The following USF3 variants were observed in gnomAD, a reference collection of about 807,000 sequenced individuals.
The protein encoded by USF3 is upstream transcription factor family member 3, also known as basic helix-loop-helix domain-containing protein USF3.
In USF3, 29 loss-of-function variants were observed where a neutral mutation model predicts 157.5. The observed-to-expected ratio is 0.18, with a 90% CI of 0.14 to 0.25. The LOEUF (loss-of-function observed/expected upper bound fraction) is 0.25, where lower values mean the gene tolerates loss of function less well. Ranked by LOEUF, USF3 falls within the 10% of genes least tolerant of loss-of-function variation. The probability of loss-of-function intolerance (pLI) is 1.00; values close to 1 mark genes in which losing one functional copy is unlikely to be tolerated. For synonymous variants in USF3, 893 were observed against 941.4 expected, an observed-to-expected ratio of 0.95 and a Z score of 0.94; for missense variants, 2,381 against 2,667.6, an observed-to-expected ratio of 0.89 and a Z score of 2.37.
rs1477314623 is a variant in USF3 at position 113,659,353 on chromosome 3, T to A, written c.2329A>T (p.Ser777Cys). Residue 777 changes from serine (S) to cysteine (C), a missense_variant, in exon 7 of 7, where the codon AGT (serine) becomes TGT (cysteine). By Grantham distance (112) the Ser-to-Cys change is moderately radical (BLOSUM62 -1). This residue lies in a region of USF3 where 1,435 missense variants were observed against 1,550.9 expected (regional missense o/e 0.93). Transcript: ENST00000316407. ...GCAACAGTGTTCATTGAGGAAGTAC[T>A]CACTAGATTATAAGTACTAGCTAGT... Reference protein sequence around the residue: ...ATLASTYNLVSTSSMNTVACL... With the variant: ...ATLASTYNLVCTSSMNTVACL... The A allele has an allele frequency of 1.2e-6, 2 of 1,614,228 alleles. No homozygotes were observed. Among genetic ancestry groups the A allele is most frequent in the Admixed American group, 3.3e-5 (2 of 60,032 alleles).
chr3:113,681,904 A>G (rs1217110567), intron 1 of USF3, among the ~76,000 whole-genome samples: 2 of 151,490 alleles, frequency 1.3e-5, no homozygotes, highest in Admixed American at 1.3e-4. Flanking sequence ...CATTTTTAGT[A>G]GAGACGGGGT....
intron 1 of USF3, among the ~76,000 whole-genome samples, chr3:113,694,587 G>C (rs902448609): frequency 6.6e-6 from 1 of 152,176 alleles, no homozygotes; most frequent in Non-Finnish European, 1.5e-5. Context: ...AAGTCTTTTA[G>C]CTTAGACCAG....
At chr3:113,684,082 C>G (rs1707495632) in intron 1 of USF3, among the ~76,000 whole-genome samples, 1 of 152,094 alleles carries the variant, frequency 6.6e-6, no homozygotes, top group Non-Finnish European at 1.5e-5. Flanking sequence ...CTGGGAAAGT[C>G]TTTTTTTCCT....
intron 2 of USF3, among the ~76,000 whole-genome samples, chr3:113,676,933 A>G (rs185534940): frequency 5.9e-5 from 9 of 152,350 alleles, no homozygotes; most frequent in Admixed American, 1.3e-4. Flanking sequence ...CGGGTACAGC[A>G]CAAGACCACG....
At chr3:113,686,296 C>G (rs994093356) in intron 1 of USF3, among the ~76,000 whole-genome samples, 5 of 152,188 alleles carry the variant, frequency 3.3e-5, no homozygotes, top group African/African-American at 2.4e-5. Context: ...CAAAGTTGCA[C>G]AATCACTTTG....
chr3:113,692,896 A>C (rs1707715987), intron 1 of USF3, among the ~76,000 whole-genome samples: 1 of 152,232 alleles, frequency 6.6e-6, no homozygotes, highest in Non-Finnish European at 1.5e-5. Context: ...ATATTTTATG[A>C]ATAATAAATG....
rs200282365 is a variant in USF3 at position 113,659,345 on chromosome 3, G to T, written c.2337C>A (p.Ser779=). The change falls in exon 7 of 7, where the codon TCC becomes TCA. Residue 779 remains serine (S), a synonymous_variant. Transcript: ENST00000316407. Reference sequence around the variant, plus strand: ...GCAAACAAGCAACAGTGTTCATTGAGGAAGTACTCACTAGATTATAAGTAC... The same window carrying T: ...GCAAACAAGCAACAGTGTTCATTGATGAAGTACTCACTAGATTATAAGTAC... ...LASTYNLVST[S]SMNTVACLPN... The T allele has an allele frequency of 1.9e-6, 3 of 1,614,212 alleles. No homozygotes were observed. In the East Asian group the frequency reaches 6.7e-5, roughly 36 times the overall value.
rs1275713874 is a variant in USF3 at position 113,649,178 on chromosome 3, T to C, written c.*5766A>G. ...TTCCTATGACATAGTACGGTGTTAG[T>C]ATGGTGTATAGCTGTATACACAACT... is the stretch of plus-strand genomic sequence containing the variant. On this transcript the variant is annotated 3_prime_UTR_variant, in exon 7 of 7. Transcript: ENST00000316407. 6.6e-6 allele frequency: 1 copy of C among 152,244 alleles called. No individual in the cohort carries two copies. Among genetic ancestry groups the C allele is most frequent in the Non-Finnish European group, 1.5e-5 (1 of 68,046 alleles). 9.4% of individuals were successfully genotyped at this position (152,244 alleles called of 1,614,324 possible).
Position 113,674,899 on chromosome 3 carries a change from A to G in USF3, c.-18-3T>C, listed in dbSNP as rs1490745744. On this transcript the variant is annotated splice_polypyrimidine_tract_variant and splice_region_variant and intron_variant, in intron 2 of 6. Coordinates refer to ENST00000316407, the MANE Select transcript of USF3 (RefSeq NM_001009899.4). ...GGCATGGTTACAGTAATAGGAACCTACAGAAGGATAGAAAGACACACCAGA... is the reference window on the plus strand; with the variant it reads ...GGCATGGTTACAGTAATAGGAACCTGCAGAAGGATAGAAAGACACACCAGA... 6.3e-7 allele frequency: 1 copy of G among 1,595,382 alleles called. No homozygotes were observed. The highest frequency in any genetic ancestry group is 8.6e-7 in the Non-Finnish European group (1 of 1,162,948).
chr3:113,665,158 A>G (rs1577036432), intron 5 of USF3, among the ~76,000 whole-genome samples: 1 of 152,212 alleles, frequency 6.6e-6, no homozygotes, highest in African/African-American at 2.4e-5. Flanking sequence ...CCCTGCAGAT[A>G]TATGGGAAAA....
In USF3 at chr3:113,688,949, T is replaced by C. The variant is rs1707622085; in HGVS notation, c.-135+7421A>G. Among the ~76,000 whole-genome samples, 2 of 152,118 alleles carry C rather than the reference T, an allele frequency of 1.3e-5. 1 individual carries two copies. Among genetic ancestry groups the C allele is most frequent in the Admixed American group, 1.3e-4 (2 of 15,266 alleles). On this transcript the variant is annotated intron_variant, in intron 1 of 6. Coordinates refer to ENST00000316407, the MANE Select transcript of USF3 (RefSeq NM_001009899.4). ...GGGAGGCTGAGGCCGGAGAATGGTATGAACCTGGGAGGCGGAGCTTGCAGT... is the reference window on the plus strand; with the variant it reads ...GGGAGGCTGAGGCCGGAGAATGGTACGAACCTGGGAGGCGGAGCTTGCAGT...
At chr3:113,669,216 A>C (rs149308598) in intron 5 of USF3, among the ~76,000 whole-genome samples, 5 of 152,234 alleles carry the variant, frequency 3.3e-5, no homozygotes, top group African/African-American at 7.2e-5. Flanking sequence ...GAAGAAGAAG[A>C]AGCCAGGGGA....
intron 1 of USF3, among the ~76,000 whole-genome samples, chr3:113,684,180 C>T (rs1053036161): frequency 6.6e-6 from 1 of 152,146 alleles, no homozygotes; most frequent in Non-Finnish European, 1.5e-5. Context: ...TCATCTGACT[C>T]TCTCCTGGTC....
rs1352993033 is a variant in USF3, at chr3:113,657,653, A to G, written c.4029T>C (p.Arg1343=). Reference sequence around the variant, plus strand: ...GGGGGGCTGGCTGACAGTGCTTTTGACGTTTAGCTGAAGACAGTAAAAGGT... The same window carrying G: ...GGGGGGCTGGCTGACAGTGCTTTTGGCGTTTAGCTGAAGACAGTAAAAGGT... ...QDDLLLSSAK[R]QKHCQPAPLR... The change falls in exon 7 of 7, where the codon CGT becomes CGC. Residue 1343 remains arginine (R), a synonymous_variant. Transcript: ENST00000316407. 1 of 1,614,118 alleles carries G rather than the reference A, an allele frequency of 6.2e-7. No individual in the cohort carries two copies.
At position 113,650,124 on chromosome 3, in the gene USF3, G is replaced by A. The variant is rs1006463003; in HGVS notation, c.*4820C>T. 2.0e-5 allele frequency: 9 copies of A among 458,714 alleles called. No individual in the cohort carries two copies. Among genetic ancestry groups the A allele is most frequent in the Non-Finnish European group, 2.7e-5 (7 of 257,948 alleles). The allele number at this position is 458,714 out of a possible 1,614,324, so 28.4% of individuals were successfully genotyped here. A position where few individuals can be genotyped will look rare whatever the true frequency, so the allele number is the denominator to read the frequency against. ...TCCAGGCAAAGGTAGCATTTATATA[G>A]ACAACAAAATTACAAAAATGGCTTC... On this transcript the variant is annotated 3_prime_UTR_variant, in exon 7 of 7. Coordinates refer to ENST00000316407, the MANE Select transcript of USF3 (RefSeq NM_001009899.4).
Position 113,681,545 on chromosome 3 carries a change from G to A in USF3, c.-134-4148C>T, listed in dbSNP as rs555230535. ...ATACTTGATATTATTTCACCACCAC[G>A]ACTGGCTAATTTTTTTTTTTTTTTT... On this transcript the variant is annotated intron_variant, in intron 1 of 6. Transcript: ENST00000316407. Among the ~76,000 whole-genome samples, 6 of 146,038 alleles carry A rather than the reference G, an allele frequency of 4.1e-5. No homozygotes were observed. The East Asian group carries it at 8.1e-4, about 20-fold the overall frequency.
chr3:113,674,057 T>C (rs1328791895), intron 3 of USF3, among the ~76,000 whole-genome samples: 1 of 152,198 alleles, frequency 6.6e-6, no homozygotes, highest in African/African-American at 2.4e-5. Flanking sequence ...GCCATGCAAT[T>C]CTAAGCAGAA....
chr3:113,671,425 C>T (rs1707150724), intron 4 of USF3, among the ~76,000 whole-genome samples: 1 of 152,178 alleles, frequency 6.6e-6, no homozygotes, highest in African/African-American at 2.4e-5. Context: ...TATGTTGGAT[C>T]TTTCCCATCA....
chr3:113,681,110 T>G (rs1284231315), intron 1 of USF3, among the ~76,000 whole-genome samples: 1 of 152,058 alleles, frequency 6.6e-6, no homozygotes, highest in African/African-American at 2.4e-5. Context: ...CCCGAGTAAC[T>G]GGGATTACAG....
Sources: gnomAD v4.1 joint callset for allele counts (sites outside exome capture counted in the v4.1 genomes callset) on GRCh38, gnomAD v4.1.1 for gene constraint, gnomAD v4.1.1 regional missense constraint, MANE v1.5 for transcripts, NCBI Gene and HGNC (gene_info 2026-07-23, HGNC 2026-07-21) for gene names.